The following CAMK4 variants were observed in gnomAD, a reference collection of about 807,000 sequenced individuals.
CAMK4 encodes the protein calcium/calmodulin-dependent protein kinase type IV.
Under a neutral mutation model 44.9 loss-of-function variants are expected in CAMK4, and 22 were observed. The ratio of observed to expected loss-of-function variants is 0.49; its 90% CI spans 0.35 to 0.70. The LOEUF (loss-of-function observed/expected upper bound fraction) is 0.70. CAMK4 is among the 30% of genes least tolerant of loss of function. The pLI, the probability that CAMK4 is intolerant of heterozygous loss-of-function variation, is 0.01. For synonymous variants in CAMK4, 218 were observed against 215.4 expected (o/e 1.01, Z -0.11); for missense variants, 498 against 586.8 (o/e 0.85, Z 1.56).
At chr5:111,266,276 A>T (rs1561372794) in intron 1 of CAMK4, 2 of 151,940 alleles carry the variant, frequency 1.3e-5, no homozygotes, top group Non-Finnish European at 2.9e-5. Context: ...GCCCATGAGA[A>T]CATTTCCCTT....
chr5:111,311,171 A>G (rs1748185956), intron 1 of CAMK4, among the ~76,000 whole-genome samples: 1 of 152,162 alleles, frequency 6.6e-6, no homozygotes, highest in Non-Finnish European at 1.5e-5. Context: ...ATTGCAAGGG[A>G]ACGTGACATC....
Position 111,379,578 on chromosome 5 carries a change from G to A in CAMK4, c.386+2636G>A, listed in dbSNP as rs142031533. ...TGCAGTTATCTTTAAATTTTATCAA[G>A]CTGAAAATACATTCTGCATTATTAT... On this transcript the variant is annotated intron_variant, in intron 4 of 10. Transcript: ENST00000282356. Among the ~76,000 whole-genome samples the A allele has an allele frequency of 3.6e-3, 541 of 152,128 alleles. 5 individuals carry two copies. Among genetic ancestry groups the A allele is most frequent in the African/African-American group, 0.013 (524 of 41,528 alleles).
intron 4 of CAMK4, among the ~76,000 whole-genome samples, chr5:111,390,432 A>G (rs1751757034): frequency 6.6e-6 from 1 of 152,140 alleles, no homozygotes; most frequent in Non-Finnish European, 1.5e-5. Flanking sequence ...TTTTAAATTC[A>G]ACTTTTAATA....
chr5:111,407,009 C>T (rs1231545981), intron 5 of CAMK4, among the ~76,000 whole-genome samples: 1 of 151,846 alleles, frequency 6.6e-6, no homozygotes, highest in African/African-American at 2.4e-5. Context: ...GAGAATTAGA[C>T]AGCCTCAAAT....
At chr5:111,365,884 C>A (rs1347273074) in intron 2 of CAMK4, among the ~76,000 whole-genome samples, 1 of 152,074 alleles carries the variant, frequency 6.6e-6, no homozygotes, top group Non-Finnish European at 1.5e-5. Flanking sequence ...ATGTGTCCTG[C>A]ATTTGATTTT....
intron 5 of CAMK4, among the ~76,000 whole-genome samples, chr5:111,433,146 T>C (rs1014436620): frequency 1.3e-5 from 2 of 152,208 alleles, no homozygotes; most frequent in Non-Finnish European, 2.9e-5. Context: ...TTATCCTGTT[T>C]CCCATGTTAA....
At chr5:111,244,717 C>T (rs1037050231) in intron 1 of CAMK4, among the ~76,000 whole-genome samples, 2 of 151,916 alleles carry the variant, frequency 1.3e-5, no homozygotes, top group African/African-American at 2.4e-5. Flanking sequence ...AAAAATTAGC[C>T]GGGCATGGTG....
intron 1 of CAMK4, among the ~76,000 whole-genome samples, chr5:111,271,210 G>C (rs972105996): frequency 6.6e-6 from 1 of 152,158 alleles, no homozygotes; most frequent in Admixed American, 6.5e-5. Flanking sequence ...TATGTCAGTG[G>C]AACACGTATC....
chr5:111,450,720 A>C lies in CAMK4; in HGVS notation c.625+1517A>C, dbSNP rs373865689. Among the ~76,000 whole-genome samples the C allele has an allele frequency of 8.0e-5, 12 of 150,910 alleles. No homozygotes were observed. The East Asian group carries it at 1.7e-3, about 22-fold the overall frequency. The stretch of plus-strand genomic sequence containing the variant: ...GTAGAATCCCTTGCACCTGGGAGGT[A>C]GAGGTTACAGTGAAGCAAGATTGCA... On this transcript the variant is annotated intron_variant, in intron 7 of 10. Coordinates refer to ENST00000282356, the MANE Select transcript of CAMK4 (RefSeq NM_001744.6).
chr5:111,345,876 A>G (rs568385585), intron 2 of CAMK4, among the ~76,000 whole-genome samples: 2 of 152,110 alleles, frequency 1.3e-5, no homozygotes, highest in Non-Finnish European at 2.9e-5. Context: ...AGGCAGGAAG[A>G]GCATGTGAAC....
chr5:111,473,850 TG>T (rs1357525625), intron 8 of CAMK4, among the ~76,000 whole-genome samples: 1 of 152,236 alleles, frequency 6.6e-6, no homozygotes, highest in Non-Finnish European at 1.5e-5. Context: ...CTATCAATTT[TG>T]TTTCTTATTT....
Position 111,290,759 on chromosome 5 carries a change from G to T in CAMK4, c.162-53265G>T, listed in dbSNP as rs1172557600. On this transcript the variant is annotated intron_variant, in intron 1 of 10. Transcript: ENST00000282356. This position sits in a 1 kb window ranked among gnomAD's most constrained non-coding sequence, Gnocchi z 4.5. ...CTACATGGTGAGAAGTGGGAGAAGT[G>T]CTGGGCAGGCATGAGGTAAGGTGTC... Among the ~76,000 whole-genome samples the T allele has an allele frequency of 6.6e-6, 1 of 152,196 alleles. No individual in the cohort carries two copies. The highest frequency in any genetic ancestry group is 2.4e-5 in the African/African-American group (1 of 41,460).
chr5:111,266,320 C>T (rs551945574), intron 1 of CAMK4, among the ~76,000 whole-genome samples: 2 of 152,236 alleles, frequency 1.3e-5, no homozygotes, highest in South Asian at 4.2e-4. Context: ...TTGCTTCCCT[C>T]TTCAACCCAG....
chr5:111,347,546 C>A (rs1749919772), intron 2 of CAMK4, among the ~76,000 whole-genome samples: 1 of 151,930 alleles, frequency 6.6e-6, no homozygotes. Flanking sequence ...CTTTTATCTC[C>A]ATGCTAGGGG....
At chr5:111,283,477 G>T (rs952614770) in intron 1 of CAMK4, among the ~76,000 whole-genome samples, 1 of 152,196 alleles carries the variant, frequency 6.6e-6, no homozygotes, top group Non-Finnish European at 1.5e-5. Context: ...CAATGAATGA[G>T]CAGTTCTTTA....
At chr5:111,457,182 C>CTTGATATT (rs1754445743) in intron 7 of CAMK4, among the ~76,000 whole-genome samples, 1 of 152,136 alleles carries the variant, frequency 6.6e-6, no homozygotes, top group Non-Finnish European at 1.5e-5. Flanking sequence ...GATATTTTAA[C>CTTGATATT]TTAATATTTT....
At position 111,488,404 on chromosome 5, in the gene CAMK4, C is replaced by T. The variant is rs1344047367; in HGVS notation, c.*3938C>T. On this transcript the variant is annotated 3_prime_UTR_variant, in exon 11 of 11. Transcript: ENST00000282356. ...TTTACATACTGATTTTAGAATAATC[C>T]TCAAGGTTCTATAGTCATTTTTAGT... The T allele has an allele frequency of 6.6e-6, 1 of 152,096 alleles. No individual in the cohort carries two copies. The highest frequency in any genetic ancestry group is 1.5e-5 in the Non-Finnish European group (1 of 68,016). The allele number at this position is 152,096 out of a possible 1,614,324, so 9.4% of individuals were successfully genotyped here.
At chr5:111,373,877 A>G (rs1473188795) in intron 2 of CAMK4, among the ~76,000 whole-genome samples, 1 of 152,128 alleles carries the variant, frequency 6.6e-6, no homozygotes, top group Non-Finnish European at 1.5e-5. Flanking sequence ...GGAAGACATT[A>G]AAACGTTTAT....
intron 5 of CAMK4, among the ~76,000 whole-genome samples, chr5:111,410,898 C>T (rs1001106884): frequency 2.0e-5 from 3 of 152,116 alleles, no homozygotes; most frequent in African/African-American, 7.2e-5. Context: ...AATAGCCACA[C>T]ACTTCCTAGG....
Sources: gnomAD v4.1 joint callset for allele counts (sites outside exome capture counted in the v4.1 genomes callset) on GRCh38, gnomAD v4.1.1 for gene constraint, Gnocchi (gnomAD v3.1) non-coding constraint, MANE v1.5 for transcripts, NCBI Gene and HGNC (gene_info 2026-07-23, HGNC 2026-07-21) for gene names.